Variants in ABCC11 observed in about 807,000 individuals in gnomAD.
ABCC11 encodes the protein ATP-binding cassette sub-family C member 11.
ABCC11 carries 135 observed loss-of-function variants against 149.3 expected under a neutral mutation model. The ratio of observed to expected loss-of-function variants is 0.90; its 90% CI spans 0.79 to 1.04. ABCC11 has a LOEUF of 1.04. Ranked by LOEUF, ABCC11 falls within the 50% of genes least tolerant of loss-of-function variation. The pLI is 0.00. For synonymous variants in ABCC11, 665 were observed against 671.4 expected, an observed-to-expected ratio of 0.99 and a Z score of 0.15; for missense variants, 1,680 against 1,722.1, an observed-to-expected ratio of 0.98 and a Z score of 0.43.
chr16:48,194,313 C>T (rs1162881998), intron 18 of ABCC11, among the ~76,000 whole-genome samples: 1 of 152,180 alleles, frequency 6.6e-6, no homozygotes, highest in African/African-American at 2.4e-5. Flanking sequence ...AAGCACTCAG[C>T]CCAGTGCCTG....
chr16:48,184,293 G>A, intron 23 of ABCC11, 147 bp downstream of exon 23: 1 of 973,548 alleles, frequency 1.0e-6, no homozygotes, highest in Non-Finnish European at 1.5e-6. Context: ...ACCAATTTCA[G>A]AAGGCCAAGC....
At chr16:48,223,198 C>T (rs940558876) in intron 5 of ABCC11, among the ~76,000 whole-genome samples, 1 of 152,228 alleles carries the variant, frequency 6.6e-6, no homozygotes, top group Non-Finnish European at 1.5e-5. Context: ...ACAGTGGCCT[C>T]CTTAGACTTA....
intron 10 of ABCC11, among the ~76,000 whole-genome samples, chr16:48,211,414 T>C (rs529512400): frequency 9.2e-5 from 14 of 152,198 alleles, no homozygotes; most frequent in Non-Finnish European, 1.2e-4. Context: ...ACCGGGCCAC[T>C]CTTCCATATT....
chr16:48,170,168 T>C lies in ABCC11; in HGVS notation c.3828A>G (p.Gly1276=). ...GCTGCCTCTCCCCCACAGAGAAGTT[T>C]CCACCGTTTTCCACCACATCTGTAT... ...KLHTDVVENG[G]NFSVGERQLL... The change falls in exon 28 of 30, where the codon GGA becomes GGG. Residue 1276 remains glycine, a synonymous_variant. Transcript: ENST00000356608. 6.2e-7 allele frequency: 1 copy of C among 1,614,114 alleles called. No homozygotes were observed. The highest frequency in any genetic ancestry group is 1.1e-5 in the South Asian group (1 of 91,078).
At chr16:48,247,266 CA>C (rs1971453517) in intron 1 of ABCC11, 47 bp downstream of exon 1, 1 of 151,048 alleles carries the variant, frequency 6.6e-6, no homozygotes, top group African/African-American at 2.4e-5. Flanking sequence ...CTGAGTAATC[CA>C]TAGCATTAGC....
intron 23 of ABCC11, among the ~76,000 whole-genome samples, chr16:48,182,430 T>C (rs1238039540): frequency 6.6e-6 from 1 of 152,000 alleles, no homozygotes; most frequent in African/African-American, 2.4e-5. Context: ...GGCCGTGCTC[T>C]CTTCCAGGCA....
chr16:48,205,686 G>C, intron 12 of ABCC11, 149 bp from the exon 13 acceptor site: 1 of 1,064,836 alleles, frequency 9.4e-7, no homozygotes, highest in South Asian at 1.8e-5. Flanking sequence ...GGCCCTACCA[G>C]GCCCACCAGC....
rs1468996023 is a variant in ABCC11, at chr16:48,216,303, T to A, written c.778-16A>T. The A allele has an allele frequency of 6.2e-7, 1 of 1,610,840 alleles. No homozygotes were observed. Among genetic ancestry groups the A allele is most frequent in the Admixed American group, 1.7e-5 (1 of 59,988 alleles). On this transcript the variant is annotated splice_polypyrimidine_tract_variant and intron_variant, in intron 6 of 29. Coordinates refer to ENST00000356608, the MANE Select transcript of ABCC11 (RefSeq NM_001370497.1). ...AGCTGATGGCCTGCAAGACAGCAAGTTGATGGGCACAGATGTCACCTCCCT... is the reference window on the plus strand; with the variant it reads ...AGCTGATGGCCTGCAAGACAGCAAGATGATGGGCACAGATGTCACCTCCCT...
chr16:48,183,615 G>A (rs931472750), intron 23 of ABCC11, among the ~76,000 whole-genome samples: 1 of 152,126 alleles, frequency 6.6e-6, no homozygotes, highest in Admixed American at 6.5e-5. Flanking sequence ...ATACAAAAAT[G>A]AGCCGGGAAT....
At chr16:48,225,855 G>A (rs1469151663) in intron 4 of ABCC11, among the ~76,000 whole-genome samples, 1 of 152,158 alleles carries the variant, frequency 6.6e-6, no homozygotes, top group Non-Finnish European at 1.5e-5. Flanking sequence ...TGCGTATATA[G>A]TGAGATCTCA....
chr16:48,196,831 G>A (rs1215743884), intron 17 of ABCC11, among the ~76,000 whole-genome samples: 1 of 152,204 alleles, frequency 6.6e-6, no homozygotes, highest in Non-Finnish European at 1.5e-5. Flanking sequence ...CCGGTACCTG[G>A]AGATGCCCAT....
intron 1 of ABCC11, 72 bp from the exon 2 acceptor site, chr16:48,232,011 A>T: frequency 1.3e-6 from 2 of 1,594,164 alleles, no homozygotes; most frequent in Non-Finnish European, 1.7e-6. Flanking sequence ...CGCCTTGAGC[A>T]GCCAGAAGAG....
At chr16:48,234,401 C>G (rs1671399748) in intron 1 of ABCC11, among the ~76,000 whole-genome samples, 2 of 152,018 alleles carry the variant, frequency 1.3e-5, no homozygotes, top group Non-Finnish European at 2.9e-5. Flanking sequence ...TTGTGTTTAG[C>G]AGCTATGCTC....
intron 20 of ABCC11, among the ~76,000 whole-genome samples, chr16:48,189,847 A>G (rs1219344826): frequency 6.6e-6 from 1 of 152,196 alleles, no homozygotes; most frequent in Non-Finnish European, 1.5e-5. Flanking sequence ...GAAACACTTC[A>G]TGGCAACACA....
chr16:48,223,716 T>A (rs944861407), intron 5 of ABCC11: 3 of 152,426 alleles, frequency 2.0e-5, no homozygotes, highest in Admixed American at 2.0e-4. Flanking sequence ...TCAGACTCTT[T>A]CTCTCATATG....
At chr16:48,243,277 T>C (rs1971096577) in intron 1 of ABCC11, among the ~76,000 whole-genome samples, 1 of 151,600 alleles carries the variant, frequency 6.6e-6, no homozygotes, top group African/African-American at 2.4e-5. Context: ...TGCGGGTGCC[T>C]GTAGTCCCCA....
At position 48,205,051 on chromosome 16, in the gene ABCC11, C is replaced by T. The variant is rs376270485; in HGVS notation, c.1805+362G>A. ...TTTTCACTTAGGGGCCAAGATTTAA[C>T]GAATACAAATGAAGTTCAAATGTAG... is the stretch of plus-strand genomic sequence containing the variant. On this transcript the variant is annotated intron_variant, in intron 13 of 29. Transcript: ENST00000356608. Among the ~76,000 whole-genome samples, 145 of 152,208 alleles carry T rather than the reference C, an allele frequency of 9.5e-4. 2 individuals are homozygous for T. In the South Asian group the frequency reaches 0.025, roughly 26 times the overall value.
intron 9 of ABCC11, among the ~76,000 whole-genome samples, chr16:48,214,546 T>C (rs1304790006): frequency 6.6e-6 from 1 of 152,210 alleles, no homozygotes; most frequent in Non-Finnish European, 1.5e-5. Context: ...TACCTTTGTA[T>C]TTAAAGTGCA....
chr16:48,173,324 T>C (rs1220750269), intron 26 of ABCC11, among the ~76,000 whole-genome samples: 2 of 152,166 alleles, frequency 1.3e-5, no homozygotes, highest in African/African-American at 2.4e-5. Flanking sequence ...GGGTTATATC[T>C]CATGTTCGCC....
Sources: allele counts gnomAD v4.1 joint callset (sites outside exome capture counted in the v4.1 genomes callset), GRCh38; gene constraint gnomAD v4.1.1; transcripts MANE v1.5; gene names NCBI Gene and HGNC (gene_info 2026-07-23, HGNC 2026-07-21).